Variants in RAB6B observed in about 807,000 individuals in gnomAD.
RAB6B encodes RAB6B, member RAS oncogene family, also known as ras-related protein Rab-6B.
A neutral mutation model predicts 31.2 loss-of-function variants in RAB6B; 7 were observed. The observed-to-expected ratio is 0.22, with a 90% CI of 0.13 to 0.42. The LOEUF (loss-of-function observed/expected upper bound fraction) is 0.42, where lower values mean the gene tolerates loss of function less well. RAB6B is among the 10% of genes least tolerant of loss of function. The pLI is 1.00. For synonymous variants in RAB6B, 105 were observed against 104.9 expected, an observed-to-expected ratio of 1.00 and a Z score of -0.01; for missense variants, 149 against 280.6, an observed-to-expected ratio of 0.53 and a Z score of 3.35.
At chr3:133,886,192 A>T (rs1044025275) in intron 1 of RAB6B, among the ~76,000 whole-genome samples, 6 of 152,206 alleles carry the variant, frequency 3.9e-5, no homozygotes, top group African/African-American at 9.7e-5. Context: ...CTCTGCCCTC[A>T]GTGCCTCCCC....
At chr3:133,877,739 ATATAT>A (rs1303884749) in intron 1 of RAB6B, among the ~76,000 whole-genome samples, 8 of 148,710 alleles carry the variant, frequency 5.4e-5, no homozygotes, top group Non-Finnish European at 1.0e-4. Flanking sequence ...AATAGTTATT[ATATAT>A]TATAACTGTT....
chr3:133,839,059 G>A (rs1267560752), intron 5 of RAB6B, among the ~76,000 whole-genome samples: 1 of 152,246 alleles, frequency 6.6e-6, no homozygotes, highest in Non-Finnish European at 1.5e-5. Flanking sequence ...TAGGTTTGTG[G>A]TCTGAATGCT....
In RAB6B at chr3:133,847,654, C is replaced by A. The variant is rs547130327; in HGVS notation, c.130-5991G>T. ...GACTTCAAACCCACTGTATCCATTT[C>A]CTCTATGCCCACCCATTTCTCAACT... On this transcript the variant is annotated intron_variant, in intron 2 of 7. Transcript: ENST00000285208. 2.0e-5 allele frequency among the ~76,000 whole-genome samples: 3 copies of A among 152,338 alleles called. No individual in the cohort carries two copies. In the East Asian group the frequency reaches 5.8e-4, roughly 29 times the overall value.
At position 133,855,348 on chromosome 3, in the gene RAB6B, G is replaced by A. The variant is rs569026333; in HGVS notation, c.129+9236C>T. On this transcript the variant is annotated intron_variant, in intron 2 of 7. Coordinates refer to ENST00000285208, the MANE Select transcript of RAB6B (RefSeq NM_016577.4). ...CAGTACGGGTACTTGCATTCTTCCA[G>A]ATACCTCAGTTTCAAAGTCTGTATG... is the stretch of plus-strand genomic sequence containing the variant. 3.3e-5 allele frequency among the ~76,000 whole-genome samples: 5 copies of A among 152,362 alleles called. No individual in the cohort carries two copies. The South Asian group carries it at 1.0e-3, about 32-fold the overall frequency.
intron 6 of RAB6B, 44 bp from the exon 7 acceptor site, chr3:133,834,685 T>G (rs781649019): frequency 6.4e-7 from 1 of 1,551,102 alleles, no homozygotes; most frequent in Non-Finnish European, 8.9e-7. Flanking sequence ...ACCCTGGCCC[T>G]CCCCTCTGCT....
intron 1 of RAB6B, among the ~76,000 whole-genome samples, chr3:133,892,151 T>C (rs1184180962): frequency 6.6e-6 from 1 of 151,990 alleles, no homozygotes; most frequent in Non-Finnish European, 1.5e-5. Flanking sequence ...AATGCCCCAG[T>C]CGGGACTGAC....
Position 133,895,547 on chromosome 3 carries a change from G to A in RAB6B, c.-81C>T, listed in dbSNP as rs1057292016. ...AGGGGAGAGTAGGAGGGCGAGGGGAGGCGGCCGGCGGTGCGGGAGCCGGAG... is the reference window on the plus strand; with the variant it reads ...AGGGGAGAGTAGGAGGGCGAGGGGAAGCGGCCGGCGGTGCGGGAGCCGGAG... On this transcript the variant is annotated 5_prime_UTR_variant, in exon 1 of 8. Coordinates refer to ENST00000285208, the MANE Select transcript of RAB6B (RefSeq NM_016577.4). 6.2e-6 allele frequency: 9 copies of A among 1,441,306 alleles called. No homozygotes were observed. In the African/African-American group the frequency reaches 1.3e-4, roughly 20 times the overall value. The allele number at this position is 1,441,306 out of a possible 1,614,324, so 89.3% of individuals were successfully genotyped here.
intron 1 of RAB6B, among the ~76,000 whole-genome samples, chr3:133,886,323 G>C (rs1363186742): frequency 6.6e-6 from 1 of 152,160 alleles, no homozygotes; most frequent in Non-Finnish European, 1.5e-5. Flanking sequence ...CTTAATACTG[G>C]CTGAGATTTG....
At chr3:133,858,798 C>T (rs1312292659) in intron 2 of RAB6B, among the ~76,000 whole-genome samples, 1 of 152,174 alleles carries the variant, frequency 6.6e-6, no homozygotes, top group Non-Finnish European at 1.5e-5. Context: ...GCCCTGCCAA[C>T]AGCCCACTCA....
intron 1 of RAB6B, among the ~76,000 whole-genome samples, chr3:133,884,636 A>G (rs2715638): frequency 0.48 from 73,619 of 152,092 alleles, 19,790 homozygotes; most frequent in African/African-American, 0.72. Context: ...AGGGACAGGA[A>G]GCTGCATAAC....
In RAB6B at chr3:133,827,627, G is replaced by A. The variant is rs940229773; in HGVS notation, c.*1161C>T. On this transcript the variant is annotated 3_prime_UTR_variant, in exon 8 of 8. Coordinates refer to ENST00000285208, the MANE Select transcript of RAB6B (RefSeq NM_016577.4). ...ATATGTCCACAAAGACTTCAACTGC[G>A]CCATGCCACTGGGGTGAAAACATAG... 2.1e-5 allele frequency: 10 copies of A among 483,088 alleles called. No individual in the cohort carries two copies. The highest frequency in any genetic ancestry group is 1.1e-4 in the South Asian group (4 of 35,786). 29.9% of individuals were successfully genotyped at this position (483,088 alleles called of 1,614,324 possible). A position where few individuals can be genotyped will look rare whatever the true frequency, so the allele number is the denominator to read the frequency against.
chr3:133,870,162 C>A (rs755381297), intron 1 of RAB6B, among the ~76,000 whole-genome samples: 1 of 152,190 alleles, frequency 6.6e-6, no homozygotes, highest in Non-Finnish European at 1.5e-5. Flanking sequence ...AGGAAACTTA[C>A]AATCATGGCA....
chr3:133,859,748 T>C lies in RAB6B; in HGVS notation c.129+4836A>G, dbSNP rs139500484. Among the ~76,000 whole-genome samples the C allele has an allele frequency of 8.9e-3, 1,355 of 152,282 alleles. 14 individuals are homozygous for C. The highest frequency in any genetic ancestry group is 0.032 in the African/African-American group (1,316 of 41,544). On this transcript the variant is annotated intron_variant, in intron 2 of 7. Coordinates refer to ENST00000285208, the MANE Select transcript of RAB6B (RefSeq NM_016577.4). ...CCCTCCCTAAGCAGCTGGGATGTGC[T>C]GTGTGTGGAGCTCAGCTCCTCTCAG...
At chr3:133,847,646 A>G (rs1483907766) in intron 2 of RAB6B, among the ~76,000 whole-genome samples, 2 of 152,158 alleles carry the variant, frequency 1.3e-5, no homozygotes, top group Admixed American at 6.5e-5. Flanking sequence ...AACCCACTGT[A>G]TCCATTTCCT....
chr3:133,885,821 T>A (rs184078370), intron 1 of RAB6B, among the ~76,000 whole-genome samples: 1 of 152,248 alleles, frequency 6.6e-6, no homozygotes, highest in East Asian at 1.9e-4. Context: ...AAAATATACA[T>A]CTGCAGTGGA....
At chr3:133,838,320 A>G (rs1414348760) in intron 5 of RAB6B, 61 bp from the exon 6 acceptor site, 2 of 1,471,336 alleles carry the variant, frequency 1.4e-6, no homozygotes, top group African/African-American at 2.8e-5. Flanking sequence ...GGCAGATATG[A>G]GGAGGGACCC....
intron 2 of RAB6B, among the ~76,000 whole-genome samples, chr3:133,850,449 AG>A (rs1935961806): frequency 6.6e-6 from 1 of 152,372 alleles, no homozygotes; most frequent in Non-Finnish European, 1.5e-5. Flanking sequence ...TATAAAAATA[AG>A]CTCATAATAA....
chr3:133,838,915 T>C (rs1935780726), intron 5 of RAB6B, among the ~76,000 whole-genome samples: 1 of 152,324 alleles, frequency 6.6e-6, no homozygotes, highest in Non-Finnish European at 1.5e-5. Context: ...GTCAGGGTCA[T>C]GTAAAATGAG....
chr3:133,871,404 C>T (rs1936321600), intron 1 of RAB6B, among the ~76,000 whole-genome samples: 2 of 152,190 alleles, frequency 1.3e-5, no homozygotes, highest in Non-Finnish European at 2.9e-5. Context: ...AACAACATTC[C>T]CGGGGAAGGG....
Sources: gnomAD v4.1 joint callset for allele counts (sites outside exome capture counted in the v4.1 genomes callset) on GRCh38, gnomAD v4.1.1 for gene constraint, MANE v1.5 for transcripts, NCBI Gene and HGNC (gene_info 2026-07-23, HGNC 2026-07-21) for gene names.